The following KIF9 variants were observed in gnomAD, a reference collection of about 807,000 sequenced individuals.
KIF9 encodes the protein kinesin-like protein KIF9.
A neutral mutation model predicts 94.8 loss-of-function variants in KIF9; 68 were observed. That is an observed-to-expected ratio of 0.72 (90% CI 0.59 to 0.88). KIF9 has a LOEUF of 0.88. KIF9 is among the 40% of genes least tolerant of loss of function. The pLI is 0.00. For missense variants in KIF9, 882 were observed against 982.5 expected, an observed-to-expected ratio of 0.90 and a Z score of 1.37; for synonymous variants, 343 against 362.1, an observed-to-expected ratio of 0.95 and a Z score of 0.60.
At chr3:47,239,149 G>A (rs1396483291) in intron 17 of KIF9, among the ~76,000 whole-genome samples, 4 of 152,122 alleles carry the variant, frequency 2.6e-5, no homozygotes, top group Non-Finnish European at 5.9e-5. Context: ...GCAGTGAGCC[G>A]GGATCATGCC....
chr3:47,277,468 G>C, intron 1 of KIF9, 89 bp from the exon 2 acceptor site: 1 of 882,624 alleles, frequency 1.1e-6, no homozygotes, highest in African/African-American at 1.7e-5. Context: ...GATCAGAAAA[G>C]AGTGACGAGC....
intron 8 of KIF9, 38 bp from the exon 9 acceptor site, chr3:47,264,388 T>C: frequency 6.4e-7 from 1 of 1,558,458 alleles, no homozygotes; most frequent in Non-Finnish European, 8.9e-7. Flanking sequence ...ATGAACCATG[T>C]GTTTTTTCTG....
At chr3:47,267,589 G>T (rs1446728852) in intron 5 of KIF9, among the ~76,000 whole-genome samples, 1 of 152,212 alleles carries the variant, frequency 6.6e-6, no homozygotes, top group African/African-American at 2.4e-5. Flanking sequence ...AATGATCTAT[G>T]TATACAGTGG....
In KIF9 at chr3:47,266,972, T is replaced by C. The variant is rs772186816; in HGVS notation, c.768+4A>G. On this transcript the variant is annotated splice_donor_region_variant and intron_variant, in intron 7 of 20. Coordinates refer to ENST00000684063, the MANE Select transcript of KIF9 (RefSeq NM_182902.4). ...AGTAGCAACCTCCAGCCCCCATCAC[T>C]TACCCCAGACTTCCCCAGCCTCTCT... The C allele has an allele frequency of 1.2e-6, 2 of 1,611,310 alleles. No homozygotes were observed. Among genetic ancestry groups the C allele is most frequent in the East Asian group, 4.5e-5 (2 of 44,850 alleles).
rs199589606 is a variant in KIF9 at position 47,241,861 on chromosome 3, T to TATATATACAC, written c.1710-847_1710-846insGTGTATATAT. On this transcript the variant is annotated intron_variant, in intron 16 of 20. Coordinates refer to ENST00000684063, the MANE Select transcript of KIF9 (RefSeq NM_182902.4). ...TATATAAAATATATATATATATATATACACATATATATATATATATATATT... is the reference window on the plus strand; with the variant it reads ...TATATAAAATATATATATATATATATATATATACACACACATATATATATATATATATATT... Among the ~76,000 whole-genome samples, 5 of 120,118 alleles carry TATATATACAC rather than the reference T, an allele frequency of 4.2e-5. No individual in the cohort carries two copies. In the East Asian group the frequency reaches 9.7e-4, roughly 23 times the overall value. The allele number at this position is 120,118 out of a possible 152,430, so 78.8% of individuals were successfully genotyped here.
intron 17 of KIF9, among the ~76,000 whole-genome samples, chr3:47,238,985 G>C (rs552365596): frequency 6.6e-6 from 1 of 152,340 alleles, no homozygotes; most frequent in East Asian, 1.9e-4. Context: ...GATCACCTGA[G>C]GTCGGGAGTT....
chr3:47,229,475 A>T (rs990387333), intron 20 of KIF9, among the ~76,000 whole-genome samples: 2 of 152,178 alleles, frequency 1.3e-5, no homozygotes, highest in Admixed American at 1.3e-4. Flanking sequence ...CCACCATGAG[A>T]CTCAGTAAAA....
At chr3:47,237,572 C>T (rs1203502652) in intron 17 of KIF9, among the ~76,000 whole-genome samples, 1 of 152,188 alleles carries the variant, frequency 6.6e-6, no homozygotes, top group South Asian at 2.1e-4. Flanking sequence ...AAGCCATTCA[C>T]CCTGCTCTCC....
intron 2 of KIF9, among the ~76,000 whole-genome samples, chr3:47,276,258 G>A (rs1701957592): frequency 6.6e-6 from 1 of 152,070 alleles, no homozygotes; most frequent in African/African-American, 2.4e-5. Flanking sequence ...AAATTAAGAT[G>A]AAGAAAGACA....
At chr3:47,262,077 C>T (rs1701010410) in intron 9 of KIF9, among the ~76,000 whole-genome samples, 1 of 152,082 alleles carries the variant, frequency 6.6e-6, no homozygotes, top group African/African-American at 2.4e-5. Flanking sequence ...GGGCAGAGAA[C>T]CCAAGTGGTA....
chr3:47,228,991 G>C (rs1374599019), intron 20 of KIF9, among the ~76,000 whole-genome samples: 2 of 152,240 alleles, frequency 1.3e-5, no homozygotes, highest in Non-Finnish European at 2.9e-5. Flanking sequence ...TTCTGATAGG[G>C]AATAGGTTCA....
chr3:47,282,454 TC>T, intron 1 of KIF9, 40 bp downstream of exon 1: 1 of 988,116 alleles, frequency 1.0e-6, no homozygotes, highest in Non-Finnish European at 1.2e-6. Context: ...CACACCCTTT[TC>T]CCGTCTCCCC....
At chr3:47,240,395 C>T (rs1268013104) in intron 17 of KIF9, among the ~76,000 whole-genome samples, 3 of 152,162 alleles carry the variant, frequency 2.0e-5, no homozygotes, top group Non-Finnish European at 4.4e-5. Flanking sequence ...TAGTCCCTAC[C>T]AGCAGCCCCA....
In KIF9 at chr3:47,239,001, C is replaced by A. The variant is rs571499888; in HGVS notation, c.1924+1800G>T. ...ATCACCTGAGGTCGGGAGTTCAAGA[C>A]CAGCCTGACCAACATGGAGAAACCC... is the stretch of plus-strand genomic sequence containing the variant. On this transcript the variant is annotated intron_variant, in intron 17 of 20. Coordinates refer to ENST00000684063, the MANE Select transcript of KIF9 (RefSeq NM_182902.4). Among the ~76,000 whole-genome samples the A allele has an allele frequency of 2.2e-3, 334 of 152,262 alleles. 1 individual carries two copies. The highest frequency in any genetic ancestry group is 7.4e-3 in the African/African-American group (309 of 41,560).
intron 1 of KIF9, chr3:47,282,272 C>T (rs1377712501): frequency 1.0e-6 from 1 of 985,654 alleles, no homozygotes; most frequent in African/African-American, 1.7e-5. Context: ...ACGTGGGACC[C>T]CTTTGTGGGA....
At chr3:47,244,726 C>T (rs1374689015) in intron 15 of KIF9, 65 bp downstream of exon 15, 8 of 1,584,718 alleles carry the variant, frequency 5.0e-6, no homozygotes, top group East Asian at 4.5e-5. Flanking sequence ...GAACAGTGCA[C>T]ATCCTCCCAT....
At chr3:47,280,643 C>T (rs811115) in intron 1 of KIF9, among the ~76,000 whole-genome samples, 76,176 of 152,094 alleles carry the variant, frequency 0.5, 20,527 homozygotes, top group Non-Finnish European at 0.6. Flanking sequence ...GATGGCACAC[C>T]ACTGCTCTCC....
chr3:47,281,245 T>C, intron 1 of KIF9: 1 of 519,176 alleles, frequency 1.9e-6, no homozygotes, highest in South Asian at 2.6e-5. Flanking sequence ...CCATGACAAC[T>C]CCAACCAAAG....
Position 47,241,882 on chromosome 3 carries a change from ATATT to A in KIF9, c.1710-871_1710-868del, listed in dbSNP as rs1306872195. 1.6e-3 allele frequency among the ~76,000 whole-genome samples: 159 copies of A among 97,284 alleles called. 1 individual carries two copies. The highest frequency in any genetic ancestry group is 5.9e-3 in the African/African-American group (137 of 23,148). The allele number at this position is 97,284 out of a possible 152,430, so 63.8% of individuals were successfully genotyped here. A position where few individuals can be genotyped will look rare whatever the true frequency, so the allele number is the denominator to read the frequency against. On this transcript the variant is annotated intron_variant, in intron 16 of 20. Coordinates refer to ENST00000684063, the MANE Select transcript of KIF9 (RefSeq NM_182902.4). ...TATATACACATATATATATATATAT[ATATT>A]TTTTTTTTTTTTTCTTTGGAGACAG...
Sources: allele counts gnomAD v4.1 joint callset (sites outside exome capture counted in the v4.1 genomes callset), GRCh38; gene constraint gnomAD v4.1.1; transcripts MANE v1.5; gene names NCBI Gene and HGNC (gene_info 2026-07-23, HGNC 2026-07-21).